The following TMEM132B variants were observed in gnomAD, a reference collection of about 807,000 sequenced individuals.
TMEM132B encodes the protein transmembrane protein 132B.
Under a neutral mutation model 90.8 loss-of-function variants are expected in TMEM132B, and 18 were observed. The observed-to-expected ratio is 0.20, with a 90% CI of 0.14 to 0.29. The LOEUF is 0.29. Ranked by LOEUF, TMEM132B falls within the 10% of genes least tolerant of loss-of-function variation. TMEM132B has a pLI of 1.00. For synonymous variants in TMEM132B, 504 were observed against 523.3 expected (o/e 0.96, Z 0.50); for missense variants, 1,096 against 1,326.8 (o/e 0.83, Z 2.70).
chr12:125,313,904 T>A (rs1323181178), intron 1 of TMEM132B, among the ~76,000 whole-genome samples: 1 of 151,316 alleles, frequency 6.6e-6, no homozygotes, highest in Non-Finnish European at 1.5e-5. Flanking sequence ...ACCTAGCCGG[T>A]CCTGTGTGTC....
rs111342759 is a variant in TMEM132B, at chr12:125,251,855, G to A, written c.67+64989G>A. Among the ~76,000 whole-genome samples the A allele has an allele frequency of 6.6e-6, 1 of 152,098 alleles. No individual in the cohort carries two copies. Among genetic ancestry groups the A allele is most frequent in the Non-Finnish European group, 1.5e-5 (1 of 68,020 alleles). On this transcript the variant is annotated intron_variant, in intron 1 of 8. Coordinates refer to ENST00000682704, the MANE Select transcript of TMEM132B (RefSeq NM_001366854.1). The surrounding 1 kb of genome is among the most constrained non-coding windows in gnomAD (Gnocchi z 4.4). ...TAATAATCATAATTTTAAAAATATCGGGTGGTCAAAACAAAGCAAAAGAAC... is the reference window on the plus strand; with the variant it reads ...TAATAATCATAATTTTAAAAATATCAGGTGGTCAAAACAAAGCAAAAGAAC...
rs143008477 is a variant in TMEM132B at position 125,299,150 on chromosome 12, G to A, written c.68-50302G>A. 3.3e-5 allele frequency among the ~76,000 whole-genome samples: 5 copies of A among 152,304 alleles called. No individual in the cohort carries two copies. In the East Asian group the frequency reaches 9.6e-4, roughly 29 times the overall value. On this transcript the variant is annotated intron_variant, in intron 1 of 8. Coordinates refer to ENST00000682704, the MANE Select transcript of TMEM132B (RefSeq NM_001366854.1). ...ATACAGGTGTGCACCCTGGCGCTCT[G>A]CTGCCATCCATTCTTTTACCTTGTT...
intron 5 of TMEM132B, among the ~76,000 whole-genome samples, chr12:125,603,012 G>T (rs2097861): frequency 6.6e-6 from 1 of 151,984 alleles, no homozygotes; most frequent in African/African-American, 2.4e-5. Context: ...AAACAATATC[G>T]TGAAAATGGC....
Position 125,300,687 on chromosome 12 carries a change from C to T in TMEM132B, c.68-48765C>T, listed in dbSNP as rs144664222. Among the ~76,000 whole-genome samples the T allele has an allele frequency of 2.0e-3, 307 of 152,216 alleles. 1 individual carries two copies. Among genetic ancestry groups the T allele is most frequent in the Non-Finnish European group, 3.4e-3 (229 of 68,020 alleles). On this transcript the variant is annotated intron_variant, in intron 1 of 8. Coordinates refer to ENST00000682704, the MANE Select transcript of TMEM132B (RefSeq NM_001366854.1). The stretch of plus-strand genomic sequence containing the variant: ...AGCAACTCCATGAGGTAGGAGGAGC[C>T]GTCATTAGCTCATTTTATAGATAAG...
intron 1 of TMEM132B, among the ~76,000 whole-genome samples, chr12:125,297,549 C>T (rs1241462012): frequency 6.6e-6 from 1 of 152,218 alleles, no homozygotes; most frequent in Non-Finnish European, 1.5e-5. Context: ...TTATTGAGCA[C>T]CTACGATGTG....
chr12:125,282,880 G>A (rs1875237516), intron 1 of TMEM132B, among the ~76,000 whole-genome samples: 1 of 152,084 alleles, frequency 6.6e-6, no homozygotes, highest in Non-Finnish European at 1.5e-5. Context: ...TTCCTTCCTG[G>A]CCCTGGTTCC....
chr12:125,300,207 T>G (rs1875786586), intron 1 of TMEM132B, among the ~76,000 whole-genome samples: 1 of 152,114 alleles, frequency 6.6e-6, no homozygotes, highest in African/African-American at 2.4e-5. Flanking sequence ...TTCTTTTTTT[T>G]TTGGTACATG....
intron 3 of TMEM132B, among the ~76,000 whole-genome samples, chr12:125,487,083 C>A (rs1321191515): frequency 6.6e-6 from 1 of 152,174 alleles, no homozygotes; most frequent in African/African-American, 2.4e-5. Context: ...GTCTGTTCTG[C>A]ACTTTTTACT....
rs567386531 is a variant in TMEM132B at position 125,582,295 on chromosome 12, T to C, written c.1294-1556T>C. Among the ~76,000 whole-genome samples, 19 of 149,446 alleles carry C rather than the reference T, an allele frequency of 1.3e-4. No homozygotes were observed. In the East Asian group the frequency reaches 3.7e-3, roughly 29 times the overall value. The stretch of plus-strand genomic sequence containing the variant: ...CAATTATTATTATTATTATTATTAT[T>C]ATTATTATTATTATTAAAGGTTGAC... On this transcript the variant is annotated intron_variant, in intron 4 of 8. Transcript: ENST00000682704.
intron 5 of TMEM132B, among the ~76,000 whole-genome samples, chr12:125,616,828 A>T (rs1885999241): frequency 6.6e-6 from 1 of 152,124 alleles, no homozygotes; most frequent in African/African-American, 2.4e-5. Flanking sequence ...AGTCATGAGG[A>T]TGGGACTCTG....
intron 1 of TMEM132B, among the ~76,000 whole-genome samples, chr12:125,334,781 C>T (rs1231588840): frequency 6.6e-6 from 1 of 152,234 alleles, no homozygotes; most frequent in South Asian, 2.1e-4. Context: ...ATATTGCACA[C>T]TTCTCCTCTG....
At chr12:125,620,795 T>G (rs1347098115) in intron 5 of TMEM132B, among the ~76,000 whole-genome samples, 1 of 152,212 alleles carries the variant, frequency 6.6e-6, no homozygotes. Flanking sequence ...AAAAAAGCCC[T>G]TTATAAAACC....
intron 2 of TMEM132B, among the ~76,000 whole-genome samples, chr12:125,397,966 G>C (rs1017004459): frequency 6.6e-6 from 1 of 152,208 alleles, no homozygotes; most frequent in African/African-American, 2.4e-5. Context: ...CATGCACTGA[G>C]AAAAATAAGA....
intron 1 of TMEM132B, among the ~76,000 whole-genome samples, chr12:125,330,993 C>T (rs1308812387): frequency 5.3e-5 from 8 of 152,232 alleles, no homozygotes; most frequent in African/African-American, 1.4e-4. Flanking sequence ...GGTGAAAGTC[C>T]CCAGATTGCC....
In TMEM132B at chr12:125,644,082, A is replaced by C. The variant is rs1165170461; in HGVS notation, c.1444A>C (p.Asn482His). The C allele has an allele frequency of 6.2e-7, 1 of 1,614,180 alleles. No individual in the cohort carries two copies. The highest frequency in any genetic ancestry group is 1.7e-5 in the Admixed American group (1 of 60,024). The change falls in exon 6 of 9, where the codon AAC becomes CAC. Residue 482 changes from asparagine to histidine, a missense_variant. Asn to His is a moderately conservative substitution (Grantham distance 68, BLOSUM62 1). Transcript: ENST00000682704. ...SADEDVIKVS[N>H]NCDSIFVNGK... ...TTCTACCTCCTTCCCAAAGGTTTCC[A>C]ACAACTGTGATTCCATTTTTGTGAA...
intron 5 of TMEM132B, among the ~76,000 whole-genome samples, chr12:125,641,628 A>G (rs191742134): frequency 1.2e-4 from 19 of 152,334 alleles, no homozygotes; most frequent in African/African-American, 4.3e-4. Context: ...TTTTTCCCAT[A>G]TGAGCTATAC....
intron 1 of TMEM132B, among the ~76,000 whole-genome samples, chr12:125,325,096 C>T (rs1278958166): frequency 6.6e-6 from 1 of 152,152 alleles, no homozygotes; most frequent in Non-Finnish European, 1.5e-5. Flanking sequence ...GCACCAGTTC[C>T]ATTGTGTTTA....
intron 3 of TMEM132B, among the ~76,000 whole-genome samples, chr12:125,470,941 C>T (rs1191074023): frequency 6.6e-6 from 1 of 152,248 alleles, no homozygotes; most frequent in African/African-American, 2.4e-5. Flanking sequence ...CCCCCTTGGC[C>T]GGCTGCACCG....
chr12:125,305,613 C>T (rs780549978), intron 1 of TMEM132B, among the ~76,000 whole-genome samples: 1 of 152,064 alleles, frequency 6.6e-6, no homozygotes, highest in Non-Finnish European at 1.5e-5. Context: ...CATGTCATTG[C>T]GTTTTATAGA....
Sources: gnomAD v4.1 joint callset for allele counts (sites outside exome capture counted in the v4.1 genomes callset) on GRCh38, gnomAD v4.1.1 for gene constraint, Gnocchi (gnomAD v3.1) non-coding constraint, MANE v1.5 for transcripts, NCBI Gene and HGNC (gene_info 2026-07-23, HGNC 2026-07-21) for gene names.